The following ARFGEF1 variants were observed in gnomAD, a reference collection of about 807,000 sequenced individuals.
The protein encoded by ARFGEF1 is ARF guanine nucleotide exchange factor 1, also known as brefeldin A-inhibited guanine nucleotide-exchange protein 1.
A neutral mutation model predicts 231.0 loss-of-function variants in ARFGEF1; 42 were observed. The ratio of observed to expected loss-of-function variants is 0.18; its 90% CI spans 0.14 to 0.24. The LOEUF is 0.24. Among genes scored for constraint, ARFGEF1 ranks in the 10% least tolerant of loss-of-function variants. The probability of loss-of-function intolerance (pLI) is 1.00; values close to 1 mark genes in which losing one functional copy is unlikely to be tolerated. For synonymous variants in ARFGEF1, 710 were observed against 732.3 expected, an observed-to-expected ratio of 0.97 and a Z score of 0.49; for missense variants, 1,345 against 2,192.0, an observed-to-expected ratio of 0.61 and a Z score of 7.72.
intron 30 of ARFGEF1, 143 bp downstream of exon 30, chr8:67,219,288 A>G (rs1839068161): frequency 1.1e-6 from 1 of 914,684 alleles, no homozygotes; most frequent in African/African-American, 1.7e-5. Flanking sequence ...TTATAAAGAC[A>G]TAGTATTACA....
chr8:67,338,821 C>T (rs1431649748), intron 1 of ARFGEF1, among the ~76,000 whole-genome samples: 4 of 152,176 alleles, frequency 2.6e-5, no homozygotes, highest in Admixed American at 1.3e-4. Flanking sequence ...AAGGCTTAAA[C>T]GGAGATTTGT....
intron 1 of ARFGEF1, among the ~76,000 whole-genome samples, chr8:67,314,168 G>A (rs776217318): frequency 3.9e-5 from 6 of 152,224 alleles, no homozygotes; most frequent in Admixed American, 2.0e-4. Flanking sequence ...AAAGGAGCTT[G>A]AAAACTTGCC....
At chr8:67,212,856 A>C (rs1216049647) in intron 33 of ARFGEF1, among the ~76,000 whole-genome samples, 2 of 152,240 alleles carry the variant, frequency 1.3e-5, no homozygotes, top group Admixed American at 1.3e-4. Context: ...ATTTTTGGTC[A>C]CGGGCCCTCT....
intron 1 of ARFGEF1, among the ~76,000 whole-genome samples, chr8:67,322,532 ACAAAAAG>A (rs1807644404): frequency 6.6e-6 from 1 of 152,162 alleles, no homozygotes; most frequent in African/African-American, 2.4e-5. Context: ...CCCCATCACT[ACAAAAAG>A]TTAAAGAAAA....
chr8:67,253,404 T>C, intron 18 of ARFGEF1, 47 bp downstream of exon 18: 4 of 1,369,362 alleles, frequency 2.9e-6, no homozygotes, highest in Non-Finnish European at 2.0e-6. Flanking sequence ...TAGGAACCCA[T>C]ATTTTTCCCC....
At chr8:67,304,123 CT>C (rs1806629757) in intron 1 of ARFGEF1, among the ~76,000 whole-genome samples, 2 of 152,310 alleles carry the variant, frequency 1.3e-5, no homozygotes, top group East Asian at 1.9e-4. Flanking sequence ...TAAACAACTA[CT>C]GGCCTATACA....
chr8:67,233,723 G>A (rs959812922), intron 22 of ARFGEF1, among the ~76,000 whole-genome samples: 6 of 151,292 alleles, frequency 4.0e-5, no homozygotes, highest in Non-Finnish European at 8.8e-5. Flanking sequence ...TTCCTAAATC[G>A]TCTCCTTCAT....
At chr8:67,312,666 T>C (rs1807127976) in intron 1 of ARFGEF1, among the ~76,000 whole-genome samples, 1 of 152,190 alleles carries the variant, frequency 6.6e-6, no homozygotes, top group South Asian at 2.1e-4. Flanking sequence ...ATAACACTAT[T>C]CTCCTCGAGT....
chr8:67,320,019 G>A (rs564894039), intron 1 of ARFGEF1, among the ~76,000 whole-genome samples: 4 of 151,846 alleles, frequency 2.6e-5, no homozygotes, highest in Admixed American at 6.6e-5. Context: ...TCAGGATTTC[G>A]AGACCAGCCT....
At chr8:67,226,252 A>G (rs182750920) in intron 27 of ARFGEF1, 69 bp from the exon 28 acceptor site, 1 of 1,300,974 alleles carries the variant, frequency 7.7e-7, no homozygotes, top group East Asian at 2.6e-5. Flanking sequence ...AAATACACCA[A>G]CATCTAGATG....
chr8:67,242,400 G>T (rs528651164), intron 19 of ARFGEF1, among the ~76,000 whole-genome samples: 1 of 152,324 alleles, frequency 6.6e-6, no homozygotes, highest in African/African-American at 2.4e-5. Context: ...CCAGGCAGAG[G>T]TGTGAGGCCT....
rs117818851 is a variant in ARFGEF1 at position 67,234,311 on chromosome 8, T to C, written c.3290-1366A>G. ...AACTTCAATGCAATGTAATGACTAC[T>C]TCATGGCTGAAATGAACTAACTACA... On this transcript the variant is annotated intron_variant, in intron 22 of 38. Transcript: ENST00000262215. 9.5e-4 allele frequency among the ~76,000 whole-genome samples: 144 copies of C among 152,296 alleles called. 2 individuals are homozygous for C. In the East Asian group the frequency reaches 0.015, roughly 16 times the overall value.
At chr8:67,186,503 G>A (rs1355981093) in intron 5 of ARFGEF1, among the ~76,000 whole-genome samples, 2 of 151,608 alleles carry the variant, frequency 1.3e-5, no homozygotes, top group African/African-American at 4.9e-5. Context: ...ACCCATTTAT[G>A]GTAACTCAGC....
intron 14 of ARFGEF1, among the ~76,000 whole-genome samples, chr8:67,265,481 C>T (rs1047175007): frequency 6.6e-5 from 10 of 152,056 alleles, no homozygotes; most frequent in Non-Finnish European, 1.0e-4. Flanking sequence ...CAGGAGCAGG[C>T]AGGTATCACA....
intron 1 of ARFGEF1, among the ~76,000 whole-genome samples, chr8:67,321,702 C>T (rs1201777547): frequency 1.3e-5 from 2 of 152,086 alleles, no homozygotes; most frequent in Non-Finnish European, 1.5e-5. Context: ...CTTCGTGATC[C>T]GCCCGCCTCA....
intron 19 of ARFGEF1, among the ~76,000 whole-genome samples, chr8:67,242,067 T>C (rs573385265): frequency 6.6e-6 from 1 of 152,284 alleles, no homozygotes; most frequent in South Asian, 2.1e-4. Flanking sequence ...AGTAGGAACC[T>C]GAGTTCCAGC....
intron 1 of ARFGEF1, among the ~76,000 whole-genome samples, chr8:67,320,812 A>C (rs1807554275): frequency 6.6e-6 from 1 of 151,674 alleles, no homozygotes; most frequent in Middle Eastern, 3.2e-3. Flanking sequence ...AAATACAAAA[A>C]TTAGCCAGGC....
rs1281359265 is a variant in ARFGEF1, at chr8:67,175,639, A to G, written c.561-67T>C. 5 of 689,728 alleles carry G rather than the reference A, an allele frequency of 7.2e-6. No individual in the cohort carries two copies. The African/African-American group carries it at 8.8e-5, about 12-fold the overall frequency. 42.7% of individuals were successfully genotyped at this position (689,728 alleles called of 1,614,324 possible). A position where few individuals can be genotyped will look rare whatever the true frequency, so the allele number is the denominator to read the frequency against. On this transcript the variant is annotated intron_variant, in intron 5 of 5. Transcript: ENST00000518789. ...GTGGCTCCACTAGGGTGGTGTATTC[A>G]TGCATGAGAGGGGCCCAGTCATTCA...
At chr8:67,189,000 C>G (rs1835457776) in intron 5 of ARFGEF1, among the ~76,000 whole-genome samples, 1 of 152,198 alleles carries the variant, frequency 6.6e-6, no homozygotes, top group African/African-American at 2.4e-5. Context: ...AGCGGCCCTC[C>G]ACCATCTTGG....
Sources: gnomAD v4.1 joint callset for allele counts (sites outside exome capture counted in the v4.1 genomes callset) on GRCh38, gnomAD v4.1.1 for gene constraint, MANE v1.5 for transcripts, NCBI Gene and HGNC (gene_info 2026-07-23, HGNC 2026-07-21) for gene names.